Variants in CRYBG1 observed in about 807,000 individuals in gnomAD.
The protein encoded by CRYBG1 is beta/gamma crystallin domain-containing protein 1.
A neutral mutation model predicts 189.2 loss-of-function variants in CRYBG1; 139 were observed. The observed-to-expected ratio is 0.73, with a 90% CI of 0.64 to 0.85. The LOEUF (loss-of-function observed/expected upper bound fraction) is 0.85, where lower values mean the gene tolerates loss of function less well. Among genes scored for constraint, CRYBG1 ranks in the 40% least tolerant of loss-of-function variants. CRYBG1 has a pLI of 0.00. For missense variants in CRYBG1, 2,611 were observed against 2,675.8 expected (o/e 0.98, Z 0.53); for synonymous variants, 1,023 against 1,017.1 (o/e 1.01, Z -0.11).
chr6:106,500,412 G>T (rs1772977746), intron 2 of CRYBG1, among the ~76,000 whole-genome samples: 2 of 136,000 alleles, frequency 1.5e-5, no homozygotes. Context: ...GAACAGTGAT[G>T]TTGAGCACTA....
intron 2 of CRYBG1, among the ~76,000 whole-genome samples, chr6:106,510,380 G>A (rs1173406728): frequency 1.3e-5 from 2 of 152,234 alleles, no homozygotes; most frequent in African/African-American, 4.8e-5. Flanking sequence ...GCGCCCATTG[G>A]CGGGTTTGCT....
intron 1 of CRYBG1, among the ~76,000 whole-genome samples, chr6:106,372,946 C>T (rs1770069351): frequency 6.6e-6 from 1 of 152,126 alleles, no homozygotes; most frequent in Non-Finnish European, 1.5e-5. Flanking sequence ...TGGCTCTAAA[C>T]CTCAAAATAT....
At chr6:106,410,941 T>G (rs187425966) in intron 1 of CRYBG1, among the ~76,000 whole-genome samples, 1 of 152,256 alleles carries the variant, frequency 6.6e-6, no homozygotes, top group East Asian at 1.9e-4. Context: ...CAAACCACCA[T>G]GGCACATGTA....
intron 1 of CRYBG1, among the ~76,000 whole-genome samples, chr6:106,383,331 G>A (rs904672680): frequency 6.6e-6 from 1 of 152,172 alleles, no homozygotes; most frequent in African/African-American, 2.4e-5. Context: ...GCCCAGTTGG[G>A]ATTAGGAAAC....
chr6:106,440,004 A>G (rs1031501186), intron 1 of CRYBG1, among the ~76,000 whole-genome samples: 1 of 152,192 alleles, frequency 6.6e-6, no homozygotes, highest in African/African-American at 2.4e-5. Flanking sequence ...TGCATTATGC[A>G]CATCCTTCAG....
intron 2 of CRYBG1, among the ~76,000 whole-genome samples, chr6:106,476,241 G>A (rs1012417277): frequency 6.6e-6 from 1 of 152,156 alleles, no homozygotes; most frequent in African/African-American, 2.4e-5. Flanking sequence ...TTTTTAATAT[G>A]AAGATGTCAC....
chr6:106,499,093 A>AT (rs149612077), intron 2 of CRYBG1, among the ~76,000 whole-genome samples: 38,431 of 142,444 alleles, frequency 0.27, 5,743 homozygotes, highest in African/African-American at 0.4. Context: ...TCAAATGTAA[A>AT]TTTTTTTTGC....
In CRYBG1 at chr6:106,521,344, C is replaced by G; in HGVS notation, c.4136C>G (p.Ser1379Ter). The G allele has an allele frequency of 1.2e-6, 2 of 1,614,108 alleles. No homozygotes were observed. The highest frequency in any genetic ancestry group is 1.7e-6 in the Non-Finnish European group (2 of 1,180,004). The stretch of plus-strand genomic sequence containing the variant: ...AATCATATTGAAAGTGTTATTAAAT[C>G]AAACTTGCCAAACTGTGCAAACAGT... ...KANHIESVIK[S>*]NLPNCANSDT... The change falls in exon 4 of 22, where the codon TCA (serine) becomes TGA (stop). Residue 1379 changes from serine to a stop codon, truncating the protein, a stop_gained. Coordinates refer to ENST00000633556, the MANE Select transcript of CRYBG1 (RefSeq NM_001371242.2). LOFTEE classifies it high-confidence loss of function.
At chr6:106,555,717 G>A in intron 16 of CRYBG1, 51 bp from the exon 17 acceptor site, 4 of 1,595,706 alleles carry the variant, frequency 2.5e-6, no homozygotes, top group Non-Finnish European at 3.4e-6. Flanking sequence ...TCTTGAATAG[G>A]AGTGCTCAAG....
chr6:106,482,729 C>T (rs1387210260), intron 2 of CRYBG1, among the ~76,000 whole-genome samples: 3 of 151,994 alleles, frequency 2.0e-5, no homozygotes, highest in Non-Finnish European at 4.4e-5. Context: ...GAGCTGAAAT[C>T]GTGCCACTGC....
At chr6:106,443,478 A>G (rs141051764) in intron 1 of CRYBG1, among the ~76,000 whole-genome samples, 2 of 152,344 alleles carry the variant, frequency 1.3e-5, no homozygotes, top group Non-Finnish European at 2.9e-5. Flanking sequence ...ATATTAAGTA[A>G]GATGGTACCT....
At chr6:106,370,577 G>A (rs1470003059) in intron 1 of CRYBG1, among the ~76,000 whole-genome samples, 1 of 152,146 alleles carries the variant, frequency 6.6e-6, no homozygotes, top group East Asian at 1.9e-4. Flanking sequence ...ACACTTCAAG[G>A]ATTGTAAACC....
chr6:106,423,367 T>C (rs1233536380), intron 1 of CRYBG1, among the ~76,000 whole-genome samples: 2 of 150,422 alleles, frequency 1.3e-5, no homozygotes, highest in African/African-American at 4.9e-5. Flanking sequence ...TTCCTTTGCA[T>C]TGGCTAGAGT....
At chr6:106,363,631 TCTCTAAATAAGGAG>T (rs1385061281) in intron 1 of CRYBG1, among the ~76,000 whole-genome samples, 1 of 152,132 alleles carries the variant, frequency 6.6e-6, no homozygotes, top group Non-Finnish European at 1.5e-5. Context: ...GTGGTTTTTG[TCTCTAAATAAGGAG>T]GGGACAGTCA....
At chr6:106,375,640 A>G (rs923108377) in intron 1 of CRYBG1, among the ~76,000 whole-genome samples, 2 of 152,164 alleles carry the variant, frequency 1.3e-5, no homozygotes, top group African/African-American at 2.4e-5. Flanking sequence ...TGTCCTGTCC[A>G]GTTGTGTGGA....
chr6:106,526,521 G>A (rs1221413703), intron 6 of CRYBG1, among the ~76,000 whole-genome samples: 1 of 152,076 alleles, frequency 6.6e-6, no homozygotes, highest in East Asian at 1.9e-4. Flanking sequence ...TTTGGCTGTT[G>A]TTGGGAAGAA....
At chr6:106,446,751 CTT>C (rs934932242) in intron 1 of CRYBG1, among the ~76,000 whole-genome samples, 55 of 152,146 alleles carry the variant, frequency 3.6e-4, no homozygotes, top group African/African-American at 1.2e-3. Flanking sequence ...AAGAGATTCT[CTT>C]TTCTTTTTAT....
At chr6:106,537,448 T>C (rs1202202635) in intron 8 of CRYBG1, among the ~76,000 whole-genome samples, 2 of 152,164 alleles carry the variant, frequency 1.3e-5, no homozygotes, top group Non-Finnish European at 2.9e-5. Flanking sequence ...CCAAAATACA[T>C]GTAACGTATC....
chr6:106,507,584 T>TG (rs34968277), intron 2 of CRYBG1, among the ~76,000 whole-genome samples: 1 of 152,270 alleles, frequency 6.6e-6, no homozygotes, highest in East Asian at 1.9e-4. Flanking sequence ...GGAAAGGTGG[T>TG]GGGTCTGTGG....
Sources: allele counts gnomAD v4.1 joint callset (sites outside exome capture counted in the v4.1 genomes callset), GRCh38; gene constraint gnomAD v4.1.1; transcripts MANE v1.5; gene names NCBI Gene and HGNC (gene_info 2026-07-23, HGNC 2026-07-21).